The following CDH20 variants were observed in gnomAD, a reference collection of about 807,000 sequenced individuals.
CDH20 encodes cadherin-20.
In CDH20, 29 loss-of-function variants were observed where a neutral mutation model predicts 74.2. That is an observed-to-expected ratio of 0.39 (90% CI 0.29 to 0.53). The LOEUF (loss-of-function observed/expected upper bound fraction) is 0.53, where lower values mean the gene tolerates loss of function less well. Among genes scored for constraint, CDH20 ranks in the 20% least tolerant of loss-of-function variants. CDH20 has a pLI of 0.69. For missense variants in CDH20, 988 were observed against 1,048.3 expected, an observed-to-expected ratio of 0.94 and a Z score of 0.79; for synonymous variants, 469 against 405.4, an observed-to-expected ratio of 1.16 and a Z score of -1.88.
intron 1 of CDH20, among the ~76,000 whole-genome samples, chr18:61,373,929 A>C (rs1911124438): frequency 6.6e-6 from 1 of 152,146 alleles, no homozygotes; most frequent in Non-Finnish European, 1.5e-5. Context: ...CAGATAACAA[A>C]AGCCCAAGTC....
chr18:61,334,086 C>T lies in CDH20; in HGVS notation c.-153+259C>T, dbSNP rs542657487. Among the ~76,000 whole-genome samples, 166 of 152,214 alleles carry T rather than the reference C, an allele frequency of 1.1e-3. 1 individual carries two copies. Among genetic ancestry groups the T allele is most frequent in the African/African-American group, 3.9e-3 (160 of 41,556 alleles). On this transcript the variant is annotated intron_variant, in intron 1 of 11. Coordinates refer to ENST00000262717, the MANE Select transcript of CDH20 (RefSeq NM_031891.4). ...CTCTGGAAGCAGGGAAGCTGGGGCG[C>T]ACCGGGGCAGGTGGAGGACGTGGCG...
At position 61,515,937 on chromosome 18, in the gene CDH20, T is replaced by TAA. The variant is rs11453784; in HGVS notation, c.1017+8384_1017+8385dup. On this transcript the variant is annotated intron_variant, in intron 6 of 11. Coordinates refer to ENST00000262717, the MANE Select transcript of CDH20 (RefSeq NM_031891.4). ...AAAACTTAAAGTATAATAATAATTTTAAAAAAAAGACATTTTAGAAGGCAA... is the reference window on the plus strand; with the variant it reads ...AAAACTTAAAGTATAATAATAATTTTAAAAAAAAAAGACATTTTAGAAGGCAA... Among the ~76,000 whole-genome samples, 420 of 151,884 alleles carry TAA rather than the reference T, an allele frequency of 2.8e-3. 5 individuals carry two copies. The highest frequency in any genetic ancestry group is 9.3e-3 in the African/African-American group (386 of 41,406).
chr18:61,425,056 TCTC>T (rs1325650328), intron 1 of CDH20, among the ~76,000 whole-genome samples: 9 of 146,164 alleles, frequency 6.2e-5, no homozygotes, highest in Admixed American at 6.0e-4. Context: ...TCTCTCTCTC[TCTC>T]TCTCTCTCTC....
intron 7 of CDH20, among the ~76,000 whole-genome samples, chr18:61,530,723 TACA>T (rs1912608289): frequency 6.6e-6 from 1 of 152,226 alleles, no homozygotes; most frequent in Non-Finnish European, 1.5e-5. Context: ...GAATTTTTAA[TACA>T]TGCTCAAGGA....
chr18:61,449,676 A>G (rs941332402), intron 1 of CDH20, among the ~76,000 whole-genome samples: 2 of 152,086 alleles, frequency 1.3e-5, no homozygotes, highest in Non-Finnish European at 2.9e-5. Flanking sequence ...AAGAATTAGG[A>G]TGATCCAACA....
intron 1 of CDH20, among the ~76,000 whole-genome samples, chr18:61,442,797 T>C (rs996596431): frequency 1.4e-4 from 22 of 152,162 alleles, no homozygotes; most frequent in African/African-American, 5.1e-4. Context: ...ACCTGCTCTC[T>C]TGGGAAGGTT....
intron 2 of CDH20, among the ~76,000 whole-genome samples, chr18:61,498,386 C>A (rs752140461): frequency 6.8e-6 from 1 of 147,142 alleles, no homozygotes; most frequent in Non-Finnish European, 1.5e-5. Context: ...GGTGACAGGG[C>A]GAAACTCTGT....
intron 1 of CDH20, among the ~76,000 whole-genome samples, chr18:61,390,824 C>T (rs905214576): frequency 6.6e-6 from 1 of 152,104 alleles, no homozygotes; most frequent in Admixed American, 6.6e-5. Context: ...ATAAGTATCC[C>T]TCCCTTACTC....
chr18:61,499,193 C>A lies in CDH20; in HGVS notation c.254C>A (p.Ser85Ter). 1 of 1,538,786 alleles carries A rather than the reference C, an allele frequency of 6.5e-7. No individual in the cohort carries two copies. The change falls in exon 3 of 12, where the codon TCA (serine) becomes TAA (stop). Residue 85 changes from serine to a stop codon, truncating the protein, a stop_gained. Transcript: ENST00000262717. LOFTEE classifies it high-confidence loss of function. ...TDPLYVGKLH[S>*]DMDRGDGSIK... ...GGTGCTTTCCTCTCCCAGCTTCATT[C>A]AGATATGGACAGGGGAGACGGATCC...
chr18:61,437,234 T>C (rs1908867899), intron 1 of CDH20, among the ~76,000 whole-genome samples: 1 of 152,156 alleles, frequency 6.6e-6, no homozygotes, highest in Admixed American at 6.6e-5. Context: ...TATAGGTTCT[T>C]CCCACTTGCC....
intron 8 of CDH20, among the ~76,000 whole-genome samples, chr18:61,536,927 T>A (rs970249822): frequency 6.6e-6 from 1 of 152,186 alleles, no homozygotes; most frequent in African/African-American, 2.4e-5. Context: ...TAACAGGCTT[T>A]CAATCTTTAA....
At chr18:61,547,562 G>A (rs1324027609) in intron 10 of CDH20, among the ~76,000 whole-genome samples, 3 of 152,006 alleles carry the variant, frequency 2.0e-5, no homozygotes, top group African/African-American at 4.8e-5. Flanking sequence ...CAATAATTCT[G>A]TGAGGCTTTA....
intron 1 of CDH20, among the ~76,000 whole-genome samples, chr18:61,397,914 C>T (rs1006946565): frequency 5.3e-5 from 8 of 152,088 alleles, no homozygotes; most frequent in Non-Finnish European, 1.2e-4. Flanking sequence ...ATGCCTTAAT[C>T]GTAAGAGATG....
intron 8 of CDH20, 62 bp downstream of exon 8, chr18:61,536,691 A>C: frequency 1.4e-6 from 2 of 1,449,238 alleles, no homozygotes; most frequent in Non-Finnish European, 1.9e-6. Context: ...TAGAAAGTGG[A>C]AGTTTCTAGA....
chr18:61,467,289 G>T (rs1209622149), intron 1 of CDH20, among the ~76,000 whole-genome samples: 16 of 152,172 alleles, frequency 1.1e-4, no homozygotes, highest in Non-Finnish European at 2.1e-4. Flanking sequence ...GGCTTGTGAG[G>T]CCTAATTTGC....
intron 1 of CDH20, among the ~76,000 whole-genome samples, chr18:61,471,099 T>C (rs113924509): frequency 0.011 from 1,712 of 152,324 alleles, 30 homozygotes; most frequent in African/African-American, 0.038. Flanking sequence ...GCTGAAATAG[T>C]ACTTCTTTTT....
chr18:61,476,292 C>T (rs1266132602), intron 1 of CDH20, among the ~76,000 whole-genome samples: 2 of 152,110 alleles, frequency 1.3e-5, no homozygotes, highest in Non-Finnish European at 2.9e-5. Context: ...GTGGAAATCA[C>T]ATGTAAAGGT....
intron 1 of CDH20, among the ~76,000 whole-genome samples, chr18:61,360,151 A>G (rs1352267375): frequency 1.3e-5 from 2 of 152,182 alleles, no homozygotes; most frequent in African/African-American, 4.8e-5. Flanking sequence ...CTGATATTCA[A>G]TGGGTTACTG....
At chr18:61,472,050 G>T (rs1014737306) in intron 1 of CDH20, among the ~76,000 whole-genome samples, 14 of 152,068 alleles carry the variant, frequency 9.2e-5, no homozygotes, top group Admixed American at 2.0e-4. Flanking sequence ...ATAGTCCTGT[G>T]CTGTTTGATT....
Sources: allele counts gnomAD v4.1 joint callset (sites outside exome capture counted in the v4.1 genomes callset), GRCh38; gene constraint gnomAD v4.1.1; transcripts MANE v1.5; gene names NCBI Gene and HGNC (gene_info 2026-07-23, HGNC 2026-07-21).